The following AFG1L variants were observed in gnomAD, a reference collection of about 807,000 sequenced individuals.
AFG1L encodes the protein AFG1-like ATPase.
AFG1L carries 53 observed loss-of-function variants against 62.2 expected under a neutral mutation model. The observed-to-expected ratio is 0.85, with a 90% CI of 0.68 to 1.07. AFG1L has a LOEUF of 1.07. Ranked by LOEUF, AFG1L falls within the 50% of genes least tolerant of loss-of-function variation. AFG1L has a pLI of 0.00. For missense variants in AFG1L, 555 were observed against 590.5 expected, an observed-to-expected ratio of 0.94 and a Z score of 0.62; for synonymous variants, 228 against 210.3, an observed-to-expected ratio of 1.08 and a Z score of -0.73.
chr6:108,330,966 T>C (rs1778256628), intron 2 of AFG1L, among the ~76,000 whole-genome samples: 1 of 152,184 alleles, frequency 6.6e-6, no homozygotes, highest in Non-Finnish European at 1.5e-5. Context: ...TTATGAACTT[T>C]GGATTTTGTT....
chr6:108,375,757 T>C lies in AFG1L; in HGVS notation c.748+9425T>C, dbSNP rs540651929. ...TATTTTTTGAGGATTTTGGTATCTG[T>C]GCCCATCAGGGATATCAGCCTTTTT... On this transcript the variant is annotated intron_variant, in intron 6 of 12. Transcript: ENST00000368977. Among the ~76,000 whole-genome samples the C allele has an allele frequency of 5.3e-5, 8 of 152,080 alleles. No individual in the cohort carries two copies. The South Asian group carries it at 1.0e-3, about 20-fold the overall frequency.
chr6:108,484,224 A>G (rs1297870872), intron 10 of AFG1L, among the ~76,000 whole-genome samples: 1 of 152,210 alleles, frequency 6.6e-6, no homozygotes, highest in African/African-American at 2.4e-5. Context: ...AACCATTTTT[A>G]TAGCATTGCT....
intron 1 of AFG1L, 105 bp downstream of exon 1, chr6:108,295,323 C>T (rs1284326385): frequency 6.0e-6 from 8 of 1,328,488 alleles, no homozygotes; most frequent in African/African-American, 1.5e-5. Flanking sequence ...CCTGCTTTCA[C>T]GAAGCTGAGG....
chr6:108,320,652 C>G (rs1460930761), intron 1 of AFG1L, among the ~76,000 whole-genome samples: 1 of 152,128 alleles, frequency 6.6e-6, no homozygotes, highest in African/African-American at 2.4e-5. Context: ...TCAAGTGGCT[C>G]ATTTACTTCT....
chr6:108,348,329 C>T (rs963918832), intron 3 of AFG1L, among the ~76,000 whole-genome samples: 2 of 152,222 alleles, frequency 1.3e-5, no homozygotes, highest in Admixed American at 1.3e-4. Flanking sequence ...CCGCTCTCCT[C>T]GGCCTTCCAA....
chr6:108,386,935 C>G (rs941216883), intron 6 of AFG1L, among the ~76,000 whole-genome samples: 3 of 151,788 alleles, frequency 2.0e-5, no homozygotes, highest in Non-Finnish European at 2.9e-5. Context: ...AAAATGTATT[C>G]AAATAATCCA....
chr6:108,424,457 C>T (rs1200609529), intron 7 of AFG1L, among the ~76,000 whole-genome samples: 2 of 151,848 alleles, frequency 1.3e-5, no homozygotes, highest in Non-Finnish European at 2.9e-5. Context: ...TAGAAGAAAG[C>T]AATAGTTAGA....
intron 2 of AFG1L, among the ~76,000 whole-genome samples, chr6:108,327,243 C>T (rs893939751): frequency 3.9e-5 from 6 of 152,078 alleles, no homozygotes; most frequent in South Asian, 4.1e-4. Flanking sequence ...ATTTAGATTG[C>T]AGAAAGAAAT....
intron 5 of AFG1L, 68 bp from the exon 6 acceptor site, chr6:108,366,165 T>C: frequency 1.2e-6 from 1 of 863,812 alleles, no homozygotes; most frequent in Non-Finnish European, 1.9e-6. Context: ...AAAAAAAAGA[T>C]GATCCACTAG....
At chr6:108,364,211 C>G (rs1209976097) in intron 5 of AFG1L, among the ~76,000 whole-genome samples, 1 of 152,122 alleles carries the variant, frequency 6.6e-6, no homozygotes, top group African/African-American at 2.4e-5. Flanking sequence ...TGTAAAATTA[C>G]CGTTCCCCGG....
At chr6:108,513,374 G>A (rs1774742588) in intron 11 of AFG1L, among the ~76,000 whole-genome samples, 1 of 152,210 alleles carries the variant, frequency 6.6e-6, no homozygotes, top group Non-Finnish European at 1.5e-5. Context: ...CGAAGGAAAG[G>A]GGTGACAGAT....
chr6:108,438,194 T>C (rs1271067463), intron 7 of AFG1L, among the ~76,000 whole-genome samples: 1 of 152,212 alleles, frequency 6.6e-6, no homozygotes, highest in Non-Finnish European at 1.5e-5. Context: ...TATTGGTTTA[T>C]TAGGACTTCT....
intron 2 of AFG1L, among the ~76,000 whole-genome samples, chr6:108,330,986 G>A (rs1235972537): frequency 6.6e-6 from 1 of 152,128 alleles, no homozygotes; most frequent in African/African-American, 2.4e-5. Context: ...TTTCAATACA[G>A]TTGTTTAAAC....
intron 3 of AFG1L, among the ~76,000 whole-genome samples, chr6:108,354,629 A>T (rs1779198373): frequency 6.6e-6 from 1 of 152,056 alleles, no homozygotes; most frequent in African/African-American, 2.4e-5. Flanking sequence ...TTAACAGAGA[A>T]GGCCACTAAG....
intron 10 of AFG1L, among the ~76,000 whole-genome samples, chr6:108,492,981 G>A (rs1019674671): frequency 6.6e-6 from 1 of 151,746 alleles, no homozygotes; most frequent in Non-Finnish European, 1.5e-5. Context: ...CATTTGTAAC[G>A]GCATGTTTTT....
At chr6:108,431,048 A>G (rs1422098289) in intron 7 of AFG1L, among the ~76,000 whole-genome samples, 1 of 152,208 alleles carries the variant, frequency 6.6e-6, no homozygotes, top group East Asian at 1.9e-4. Context: ...TGATATGCTA[A>G]TAGACCCAAG....
rs575462409 is a variant in AFG1L at position 108,362,353 on chromosome 6, A to G, written c.649-3880A>G. Among the ~76,000 whole-genome samples the G allele has an allele frequency of 2.0e-5, 3 of 152,154 alleles. No individual in the cohort carries two copies. The South Asian group carries it at 6.2e-4, about 32-fold the overall frequency. On this transcript the variant is annotated intron_variant, in intron 5 of 12. Transcript: ENST00000368977. Reference sequence around the variant, plus strand: ...TATTTGAGGTATTGCCCATTTATTTATTAGAATGCTTATATTCCATCTATT... The same window carrying G: ...TATTTGAGGTATTGCCCATTTATTTGTTAGAATGCTTATATTCCATCTATT...
chr6:108,298,661 A>G (rs913654426), intron 1 of AFG1L, among the ~76,000 whole-genome samples: 1 of 152,142 alleles, frequency 6.6e-6, no homozygotes, highest in Non-Finnish European at 1.5e-5. Context: ...GAAGCTGTAA[A>G]GGTGGGCTGA....
chr6:108,392,015 T>C (rs566106282), intron 6 of AFG1L: 1 of 152,198 alleles, frequency 6.6e-6, no homozygotes, highest in Non-Finnish European at 1.5e-5. Flanking sequence ...ATTAATGATA[T>C]GTCATATTTT....
Sources: gnomAD v4.1 joint callset for allele counts (sites outside exome capture counted in the v4.1 genomes callset) on GRCh38, gnomAD v4.1.1 for gene constraint, MANE v1.5 for transcripts, NCBI Gene and HGNC (gene_info 2026-07-23, HGNC 2026-07-21) for gene names.